TRPC4AP: variants seen among roughly 807,000 people sequenced by gnomAD.
The protein encoded by TRPC4AP is transient receptor potential cation channel subfamily C member 4 associated protein.
Under a neutral mutation model 99.0 loss-of-function variants are expected in TRPC4AP, and 45 were observed. That is an observed-to-expected ratio of 0.45 (90% CI 0.36 to 0.58). The LOEUF (loss-of-function observed/expected upper bound fraction) is 0.58. Among genes scored for constraint, TRPC4AP ranks in the 20% least tolerant of loss-of-function variants. The pLI is 0.00. For synonymous variants in TRPC4AP, 408 were observed against 385.8 expected (o/e 1.06, Z -0.67); for missense variants, 879 against 985.3 (o/e 0.89, Z 1.44).
intron 8 of TRPC4AP, among the ~76,000 whole-genome samples, chr20:35,030,113 T>C (rs1264531121): frequency 2.6e-5 from 4 of 151,252 alleles, no homozygotes; most frequent in African/African-American, 9.7e-5. Flanking sequence ...TGGTGGCACA[T>C]GCCTGTAATC....
chr20:35,058,173 A>T (rs2083888392), intron 3 of TRPC4AP, among the ~76,000 whole-genome samples: 1 of 152,264 alleles, frequency 6.6e-6, no homozygotes, highest in African/African-American at 2.4e-5. Context: ...ACATGAAACA[A>T]AAGCTGGCAG....
intron 1 of TRPC4AP, among the ~76,000 whole-genome samples, chr20:35,079,216 A>G (rs1410700129): frequency 2.0e-5 from 3 of 152,372 alleles, no homozygotes; most frequent in Non-Finnish European, 4.4e-5. Context: ...TTCTCCAAGA[A>G]GACATAACAA....
chr20:35,025,174 G>A (rs922455906), intron 8 of TRPC4AP, among the ~76,000 whole-genome samples: 11 of 152,056 alleles, frequency 7.2e-5, no homozygotes, highest in Admixed American at 3.3e-4. Flanking sequence ...ATTCTAGTGA[G>A]TATGAAGTAC....
chr20:35,030,819 T>C (rs1290633812), intron 8 of TRPC4AP, among the ~76,000 whole-genome samples: 3 of 152,220 alleles, frequency 2.0e-5, no homozygotes, highest in African/African-American at 7.2e-5. Flanking sequence ...GAAATATGCA[T>C]TTACACAATC....
At chr20:35,072,393 T>C (rs1468939165) in intron 2 of TRPC4AP, among the ~76,000 whole-genome samples, 1 of 149,058 alleles carries the variant, frequency 6.7e-6, no homozygotes, top group Non-Finnish European at 1.5e-5. Flanking sequence ...TAGATTTTCT[T>C]CTAGGGTTTT....
intron 12 of TRPC4AP, 98 bp from the exon 13 acceptor site, chr20:35,008,845 G>C (rs1323359075): frequency 1.8e-6 from 2 of 1,137,584 alleles, no homozygotes; most frequent in Non-Finnish European, 2.6e-6. Flanking sequence ...AAACCATGGG[G>C]ACATTTCCAA....
At chr20:35,026,815 CTAT>C (rs201554917) in intron 8 of TRPC4AP, among the ~76,000 whole-genome samples, 1,939 of 152,002 alleles carry the variant, frequency 0.013, 30 homozygotes, top group African/African-American at 0.044. Flanking sequence ...TTTTTTGATC[CTAT>C]TATAAATAAA....
chr20:35,010,336 C>T, intron 11 of TRPC4AP, 48 bp from the exon 12 acceptor site: 6 of 1,499,402 alleles, frequency 4.0e-6, no homozygotes, highest in Non-Finnish European at 5.6e-6. Flanking sequence ...ACTGGGGCTG[C>T]TGGGTCAGCA....
intron 1 of TRPC4AP, among the ~76,000 whole-genome samples, chr20:35,089,395 G>GTTTTTTTTT (rs35461400): frequency 7.7e-6 from 1 of 130,312 alleles, no homozygotes; most frequent in Non-Finnish European, 1.6e-5. Context: ...CCTGGTTAAT[G>GTTTTTTTTT]TTTTTTTTTT....
At chr20:35,078,361 T>G (rs911561544) in intron 1 of TRPC4AP, among the ~76,000 whole-genome samples, 187 bp from the exon 2 acceptor site, 2 of 152,144 alleles carry the variant, frequency 1.3e-5, no homozygotes, top group East Asian at 1.9e-4. Context: ...TATGTTATAA[T>G]AAGAAGGAGG....
chr20:35,067,888 G>A (rs1395616178), intron 3 of TRPC4AP, among the ~76,000 whole-genome samples: 2 of 152,096 alleles, frequency 1.3e-5, no homozygotes, highest in African/African-American at 4.8e-5. Flanking sequence ...TAAAACACAT[G>A]GAGTTTCTTT....
At chr20:35,049,259 T>TGA (rs1297857386) in intron 6 of TRPC4AP, among the ~76,000 whole-genome samples, 2 of 151,892 alleles carry the variant, frequency 1.3e-5, no homozygotes, top group African/African-American at 4.8e-5. Context: ...CATAGCTGTT[T>TGA]TTTTTTTTTT....
chr20:35,008,037 C>T (rs1384513404), intron 13 of TRPC4AP, among the ~76,000 whole-genome samples: 1 of 152,214 alleles, frequency 6.6e-6, no homozygotes, highest in African/African-American at 2.4e-5. Context: ...ACTGGGCTCA[C>T]AGACGATGGG....
At chr20:35,010,056 G>A in intron 12 of TRPC4AP, 131 bp downstream of exon 12, 4 of 679,164 alleles carry the variant, frequency 5.9e-6, no homozygotes, top group African/African-American at 1.8e-5. Context: ...TGGCACACAG[G>A]AGCCCTCAGG....
At chr20:35,069,916 C>T (rs1018597434) in intron 2 of TRPC4AP, among the ~76,000 whole-genome samples, 1 of 151,954 alleles carries the variant, frequency 6.6e-6, no homozygotes, top group African/African-American at 2.4e-5. Context: ...ACTCCAGCCT[C>T]GGCAACAGAG....
chr20:35,034,827 G>C (rs996864772), intron 8 of TRPC4AP, among the ~76,000 whole-genome samples: 1 of 152,140 alleles, frequency 6.6e-6, no homozygotes, highest in Non-Finnish European at 1.5e-5. Flanking sequence ...GAGGAGAGAA[G>C]TTTCTAGGTT....
rs1169356524 is a variant in TRPC4AP at position 35,068,972 on chromosome 20, C to A, written c.414+324G>T. Reference sequence around the variant, plus strand: ...ACACACACACACACACACACACACACACACACAAAAAAAACAAAACATCTT... The same window carrying A: ...ACACACACACACACACACACACACAAACACACAAAAAAAACAAAACATCTT... On this transcript the variant is annotated intron_variant, in intron 3 of 18. Transcript: ENST00000252015. Among the ~76,000 whole-genome samples, 113 of 54,398 alleles carry A rather than the reference C, an allele frequency of 2.1e-3. 1 individual carries two copies. The highest frequency in any genetic ancestry group is 0.013 in the African/African-American group (101 of 7,834). 35.7% of individuals were successfully genotyped at this position (54,398 alleles called of 152,430 possible).
At chr20:35,073,318 T>C (rs548714334) in intron 2 of TRPC4AP, among the ~76,000 whole-genome samples, 36 of 152,322 alleles carry the variant, frequency 2.4e-4, no homozygotes, top group Admixed American at 6.5e-4. Flanking sequence ...CTATGTTGAA[T>C]AGGAGTGTGC....
chr20:35,024,636 C>T (rs750530404), intron 8 of TRPC4AP, among the ~76,000 whole-genome samples: 1 of 151,840 alleles, frequency 6.6e-6, no homozygotes, highest in Non-Finnish European at 1.5e-5. Flanking sequence ...CCAGCTTGGG[C>T]AACACAGCAA....
Sources: allele counts gnomAD v4.1 joint callset (sites outside exome capture counted in the v4.1 genomes callset), GRCh38; gene constraint gnomAD v4.1.1; transcripts MANE v1.5; gene names NCBI Gene and HGNC (gene_info 2026-07-23, HGNC 2026-07-21).